PRKCB: variants seen among roughly 807,000 people sequenced by gnomAD.
The protein encoded by PRKCB is protein kinase C beta, also known as protein kinase C beta type.
In PRKCB, 13 loss-of-function variants were observed where a neutral mutation model predicts 81.5. That is an observed-to-expected ratio of 0.16 (90% CI 0.10 to 0.25). PRKCB has a LOEUF of 0.25. Among genes scored for constraint, PRKCB ranks in the 10% least tolerant of loss-of-function variants. The pLI is 1.00. For missense variants in PRKCB, 509 were observed against 875.7 expected (o/e 0.58, Z 5.29); for synonymous variants, 335 against 321.4 (o/e 1.04, Z -0.45).
rs1234608979 is a variant in PRKCB at position 23,909,600 on chromosome 16, C to A, written c.205+72194C>A. ...GTACATTGTATCTACTAAGTAATTT[C>A]TCATCCCTCACCCTCTTCCCACCCT... On this transcript the variant is annotated intron_variant, in intron 2 of 16. Transcript: ENST00000643927. Among the ~76,000 whole-genome samples the A allele has an allele frequency of 2.0e-5, 3 of 152,140 alleles. No homozygotes were observed. The East Asian group carries it at 5.8e-4, about 29-fold the overall frequency.
chr16:24,059,564 G>C (rs2141876378), intron 5 of PRKCB, among the ~76,000 whole-genome samples: 1 of 152,122 alleles, frequency 6.6e-6, no homozygotes, highest in South Asian at 2.1e-4. Context: ...CCACTGGGGA[G>C]GCTAAGGTGG....
chr16:23,908,263 G>A (rs1324612870), intron 2 of PRKCB, among the ~76,000 whole-genome samples: 1 of 152,090 alleles, frequency 6.6e-6, no homozygotes, highest in Non-Finnish European at 1.5e-5. Context: ...TGAGTTGGGT[G>A]GAGGTAGGTA....
At chr16:23,902,300 T>C (rs1196534973) in intron 2 of PRKCB, among the ~76,000 whole-genome samples, 1 of 152,174 alleles carries the variant, frequency 6.6e-6, no homozygotes, top group East Asian at 1.9e-4. Context: ...TTTGGAATAA[T>C]TTCAGATTTT....
chr16:24,162,686 T>C (rs1182374103), intron 10 of PRKCB, among the ~76,000 whole-genome samples: 1 of 151,882 alleles, frequency 6.6e-6, no homozygotes, highest in Non-Finnish European at 1.5e-5. Flanking sequence ...ACTCCTAGGC[T>C]CAAGTAGTCC....
chr16:23,948,095 G>C (rs929654471), intron 2 of PRKCB, among the ~76,000 whole-genome samples: 1 of 152,084 alleles, frequency 6.6e-6, no homozygotes, highest in Non-Finnish European at 1.5e-5. Flanking sequence ...GTTCTGGAGG[G>C]GGAGGTGTTA....
intron 2 of PRKCB, among the ~76,000 whole-genome samples, chr16:23,858,826 G>T (rs2141088581): frequency 6.6e-6 from 1 of 152,262 alleles, no homozygotes; most frequent in Non-Finnish European, 1.5e-5. Flanking sequence ...CACTGAGCTG[G>T]ATGCTTCACA....
In PRKCB at chr16:24,217,416, TG is replaced by T. The variant is rs917319157; in HGVS notation, c.*2605del. The T allele has an allele frequency of 2.0e-6, 2 of 985,286 alleles. No individual in the cohort carries two copies. The highest frequency in any genetic ancestry group is 3.5e-5 in the African/African-American group (2 of 57,232). The allele number at this position is 985,286 out of a possible 1,614,324, so 61.0% of individuals were successfully genotyped here. On this transcript the variant is annotated 3_prime_UTR_variant, in exon 17 of 17. Coordinates refer to ENST00000643927, the MANE Select transcript of PRKCB (RefSeq NM_002738.7). The stretch of plus-strand genomic sequence containing the variant: ...AGGGCCATAGCAACAAGGACCTTCT[TG>T]GGGGATTAATGGGAGGTCAGTAGAA...
chr16:24,032,593 G>A (rs1000674747), intron 4 of PRKCB, among the ~76,000 whole-genome samples: 6 of 152,318 alleles, frequency 3.9e-5, no homozygotes, highest in African/African-American at 1.2e-4. Flanking sequence ...TCACCCACAT[G>A]TCCTGGAGGA....
At chr16:24,046,695 A>G (rs903597795) in intron 5 of PRKCB, among the ~76,000 whole-genome samples, 7 of 150,788 alleles carry the variant, frequency 4.6e-5, no homozygotes, top group Non-Finnish European at 8.9e-5. Flanking sequence ...GAGCCTCGGG[A>G]TGGGGAGGGG....
chr16:23,997,929 C>T (rs888604658), intron 3 of PRKCB, among the ~76,000 whole-genome samples: 6 of 152,124 alleles, frequency 3.9e-5, no homozygotes. Flanking sequence ...TGCAGTTAAC[C>T]TTGACTGGGC....
At chr16:23,928,123 T>TTTTTTA (rs1203902763) in intron 2 of PRKCB, among the ~76,000 whole-genome samples, 2 of 151,962 alleles carry the variant, frequency 1.3e-5, no homozygotes, top group Non-Finnish European at 2.9e-5. Context: ...CAGACGTTTA[T>TTTTTTA]TTTTTATTTT....
chr16:24,001,591 T>G (rs1965035035), intron 3 of PRKCB, among the ~76,000 whole-genome samples: 1 of 152,236 alleles, frequency 6.6e-6, no homozygotes, highest in Admixed American at 6.5e-5. Context: ...TTGTCAATTT[T>G]GTCTCAAAAA....
intron 9 of PRKCB, among the ~76,000 whole-genome samples, chr16:24,132,865 C>T (rs982239139): frequency 6.6e-6 from 1 of 151,248 alleles, no homozygotes; most frequent in South Asian, 2.1e-4. Context: ...ACTGCAGCCA[C>T]GAACTCCTTG....
chr16:23,928,106 G>A (rs1963921149), intron 2 of PRKCB, among the ~76,000 whole-genome samples: 1 of 151,868 alleles, frequency 6.6e-6, no homozygotes, highest in South Asian at 2.1e-4. Flanking sequence ...GTATAGGGCT[G>A]TTTCCACAGA....
chr16:24,136,620 T>C (rs533517948), intron 9 of PRKCB, among the ~76,000 whole-genome samples: 1 of 152,280 alleles, frequency 6.6e-6, no homozygotes, highest in South Asian at 2.1e-4. Context: ...ACATGTAGAA[T>C]ATCCTAGGAA....
chr16:24,066,058 A>T (rs1191812880), intron 5 of PRKCB, among the ~76,000 whole-genome samples: 1 of 146,354 alleles, frequency 6.8e-6, no homozygotes, highest in Non-Finnish European at 1.5e-5. Flanking sequence ...ATTTTCAGCA[A>T]TGTGACTGTG....
intron 2 of PRKCB, among the ~76,000 whole-genome samples, chr16:23,862,859 T>C (rs1190493204): frequency 1.3e-5 from 2 of 152,068 alleles, no homozygotes; most frequent in African/African-American, 4.8e-5. Context: ...TCTAGATGTC[T>C]ACAGTTAAGG....
intron 5 of PRKCB, among the ~76,000 whole-genome samples, chr16:24,052,615 T>C (rs968884423): frequency 2.0e-5 from 3 of 152,170 alleles, no homozygotes; most frequent in Admixed American, 2.0e-4. Flanking sequence ...TTTTAGACCA[T>C]GTAGGGTAAC....
chr16:23,903,173 G>A (rs1314191342), intron 2 of PRKCB, among the ~76,000 whole-genome samples: 1 of 151,610 alleles, frequency 6.6e-6, no homozygotes, highest in African/African-American at 2.4e-5. Flanking sequence ...CAGAGCTGTG[G>A]TAAAGAGCCC....
Sources: allele counts gnomAD v4.1 joint callset (sites outside exome capture counted in the v4.1 genomes callset), GRCh38; gene constraint gnomAD v4.1.1; transcripts MANE v1.5; gene names NCBI Gene and HGNC (gene_info 2026-07-23, HGNC 2026-07-21).